ZNF385D: variants seen among roughly 807,000 people sequenced by gnomAD.
ZNF385D encodes zinc finger protein 659.
ZNF385D carries 15 observed loss-of-function variants against 35.8 expected under a neutral mutation model. The ratio of observed to expected loss-of-function variants is 0.42; its 90% CI spans 0.28 to 0.64. ZNF385D has a LOEUF of 0.64. Ranked by LOEUF, ZNF385D falls within the 30% of genes least tolerant of loss-of-function variation. The pLI is 0.23. For synonymous variants in ZNF385D, 212 were observed against 186.8 expected, an observed-to-expected ratio of 1.13 and a Z score of -1.10; for missense variants, 474 against 494.6, an observed-to-expected ratio of 0.96 and a Z score of 0.39.
chr3:22,127,300 T>C (rs1172576148), intron 3 of ZNF385D, among the ~76,000 whole-genome samples: 2 of 149,588 alleles, frequency 1.3e-5, no homozygotes, highest in Admixed American at 6.7e-5. Context: ...TCTCTGGTAG[T>C]ATGTTTTCAT....
intron 3 of ZNF385D, among the ~76,000 whole-genome samples, chr3:22,032,780 G>C (rs545370754): frequency 6.6e-6 from 1 of 152,070 alleles, no homozygotes; most frequent in South Asian, 2.1e-4. Flanking sequence ...TGCTTACTGA[G>C]TACTTACTAT....
intron 3 of ZNF385D, among the ~76,000 whole-genome samples, chr3:21,982,051 T>C (rs971028823): frequency 7.9e-5 from 12 of 151,594 alleles, no homozygotes; most frequent in African/African-American, 2.9e-4. Flanking sequence ...TTTGGGCTCT[T>C]TTTTGGTTCC....
chr3:21,623,767 C>CT (rs1489199660), intron 2 of ZNF385D, among the ~76,000 whole-genome samples: 5 of 152,040 alleles, frequency 3.3e-5, no homozygotes, highest in Non-Finnish European at 7.4e-5. Context: ...AGCAGTTTTG[C>CT]TTTGCTGCTT....
intron 2 of ZNF385D, among the ~76,000 whole-genome samples, chr3:22,369,325 T>C (rs1696795675): frequency 6.6e-6 from 1 of 152,176 alleles, no homozygotes; most frequent in South Asian, 2.1e-4. Flanking sequence ...AATACATACA[T>C]GTGATTATAA....
intron 2 of ZNF385D, among the ~76,000 whole-genome samples, chr3:22,219,723 T>G (rs1170909333): frequency 6.6e-6 from 1 of 152,182 alleles, no homozygotes; most frequent in African/African-American, 2.4e-5. Flanking sequence ...AAATTAATAT[T>G]TCTAATTCAA....
chr3:22,212,442 C>A lies in ZNF385D; in HGVS notation c.107-43407G>T, dbSNP rs140315130. Among the ~76,000 whole-genome samples the A allele has an allele frequency of 1.3e-3, 196 of 152,176 alleles. 1 individual carries two copies. The highest frequency in any genetic ancestry group is 4.4e-3 in the African/African-American group (182 of 41,562). On this transcript the variant is annotated intron_variant, in intron 2 of 5. Coordinates refer to the ZNF385D transcript ENST00000494108. ...ATTGATGAGCCCAGATCAAGTGGCT[C>A]TGATCCACCTGTTACAAAGTAATAC...
At chr3:21,502,078 T>C (rs936277387) in intron 4 of ZNF385D, among the ~76,000 whole-genome samples, 1 of 152,132 alleles carries the variant, frequency 6.6e-6, no homozygotes, top group African/African-American at 2.4e-5. Context: ...ATTACTTCAG[T>C]AAGGCAACTG....
chr3:21,863,227 CTTCAT>C (rs1170198333), intron 3 of ZNF385D, among the ~76,000 whole-genome samples: 1 of 152,050 alleles, frequency 6.6e-6, no homozygotes, highest in Non-Finnish European at 1.5e-5. Flanking sequence ...ATACTGATAG[CTTCAT>C]TTCTTTTATT....
chr3:21,774,401 A>G (rs146244076), intron 3 of ZNF385D, among the ~76,000 whole-genome samples: 1 of 152,032 alleles, frequency 6.6e-6, no homozygotes, highest in East Asian at 1.9e-4. Flanking sequence ...ACAAACATGC[A>G]CATCCTACAC....
intron 3 of ZNF385D, among the ~76,000 whole-genome samples, chr3:21,900,810 G>A (rs1485976389): frequency 6.6e-6 from 1 of 152,162 alleles, no homozygotes; most frequent in East Asian, 1.9e-4. Flanking sequence ...AAGGTCTCTA[G>A]TGACTGACTT....
intron 1 of ZNF385D, among the ~76,000 whole-genome samples, chr3:21,699,369 A>G (rs1417659009): frequency 2.0e-5 from 3 of 152,170 alleles, no homozygotes; most frequent in East Asian, 3.9e-4. Context: ...GGATAGCATT[A>G]GGAGAAATAC....
intron 3 of ZNF385D, among the ~76,000 whole-genome samples, chr3:21,850,340 G>A (rs963425384): frequency 6.6e-6 from 1 of 152,002 alleles, no homozygotes; most frequent in Non-Finnish European, 1.5e-5. Context: ...AACAAAGTAA[G>A]CCCTACAATC....
At chr3:21,890,853 C>T (rs1327535073) in intron 3 of ZNF385D, among the ~76,000 whole-genome samples, 1 of 152,044 alleles carries the variant, frequency 6.6e-6, no homozygotes. Context: ...AAACAGACAC[C>T]ATGAACTTTC....
intron 3 of ZNF385D, among the ~76,000 whole-genome samples, chr3:21,879,110 G>T (rs1698135608): frequency 6.6e-6 from 1 of 151,922 alleles, no homozygotes; most frequent in African/African-American, 2.4e-5. Flanking sequence ...GAAACACTTT[G>T]CTTGTCTTGA....
chr3:22,323,423 T>G (rs955892757), intron 2 of ZNF385D, among the ~76,000 whole-genome samples: 1 of 152,122 alleles, frequency 6.6e-6, no homozygotes, highest in African/African-American at 2.4e-5. Context: ...AAGAAGGAAG[T>G]GCTGGGTCCT....
chr3:22,178,137 C>T (rs1273735912), intron 2 of ZNF385D, among the ~76,000 whole-genome samples: 2 of 152,198 alleles, frequency 1.3e-5, no homozygotes, highest in Non-Finnish European at 2.9e-5. Context: ...ATTTCTACTT[C>T]TAGATCCCTG....
intron 3 of ZNF385D, among the ~76,000 whole-genome samples, chr3:22,166,768 C>G (rs370784749): frequency 3.9e-5 from 6 of 152,198 alleles, no homozygotes; most frequent in Non-Finnish European, 7.3e-5. Flanking sequence ...GGTTTCTAAA[C>G]AAGATGTATC....
intron 2 of ZNF385D, among the ~76,000 whole-genome samples, chr3:22,170,575 A>C (rs1197670802): frequency 2.6e-5 from 4 of 152,286 alleles, no homozygotes; most frequent in Middle Eastern, 3.4e-3. Context: ...AGGAAACTCT[A>C]TCTCTCTTAC....
In ZNF385D at chr3:22,111,427, G is replaced by C. The variant is rs138216868; in HGVS notation, c.325+57390C>G. 1.4e-4 allele frequency among the ~76,000 whole-genome samples: 22 copies of C among 152,110 alleles called. No individual in the cohort carries two copies. The East Asian group carries it at 2.9e-3, about 20-fold the overall frequency. On this transcript the variant is annotated intron_variant, in intron 3 of 5. Coordinates refer to the ZNF385D transcript ENST00000494108. ...ATGGATTGGACAAAGCAGAAAGTGA[G>C]CCCTACCACAGGGATTGGCAAACTA...
Sources: allele counts gnomAD v4.1 joint callset (sites outside exome capture counted in the v4.1 genomes callset), GRCh38; gene constraint gnomAD v4.1.1; transcripts MANE v1.5; gene names NCBI Gene and HGNC (gene_info 2026-07-23, HGNC 2026-07-21).